VPS13B: variants seen among roughly 807,000 people sequenced by gnomAD.
VPS13B encodes the protein intermembrane lipid transfer protein VPS13B.
A neutral mutation model predicts 426.4 loss-of-function variants in VPS13B; 285 were observed. The observed-to-expected ratio is 0.67, with a 90% confidence interval of 0.61 to 0.74. The LOEUF is 0.74. Ranked by LOEUF, VPS13B falls within the 30% of genes least tolerant of loss-of-function variation. The pLI, the probability that VPS13B is intolerant of heterozygous loss-of-function variation, is 0.00. For synonymous variants in VPS13B, 1,676 were observed against 1,676.4 expected (o/e 1.00, Z 0.01); for missense variants, 4,537 against 4,782.6 (o/e 0.95, Z 1.51).
chr8:99,331,283 A>G (rs1810528125), intron 19 of VPS13B, among the ~76,000 whole-genome samples: 1 of 151,786 alleles, frequency 6.6e-6, no homozygotes, highest in South Asian at 2.1e-4. Flanking sequence ...CAACCTGTTC[A>G]TTTTAAGTAG....
intron 3 of VPS13B, among the ~76,000 whole-genome samples, chr8:99,074,425 G>A (rs533193627): frequency 1.9e-4 from 28 of 151,140 alleles, no homozygotes; most frequent in Non-Finnish European, 3.1e-4. Context: ...GGAGAATGGC[G>A]TGAAACCGGG....
At chr8:99,455,862 A>G (rs1376934279) in intron 23 of VPS13B, among the ~76,000 whole-genome samples, 3 of 152,132 alleles carry the variant, frequency 2.0e-5, no homozygotes, top group African/African-American at 7.2e-5. Context: ...TTATCAATTC[A>G]CCAGTTGATA....
At chr8:99,419,775 G>A (rs556532059) in intron 21 of VPS13B, among the ~76,000 whole-genome samples, 2 of 152,154 alleles carry the variant, frequency 1.3e-5, no homozygotes, top group Non-Finnish European at 2.9e-5. Flanking sequence ...GATAGAAAAG[G>A]TTTTAAGAAG....
chr8:99,421,578 A>G (rs537787670), intron 21 of VPS13B, among the ~76,000 whole-genome samples: 2 of 152,284 alleles, frequency 1.3e-5, no homozygotes, highest in Admixed American at 1.3e-4. Flanking sequence ...GTGACTTGGG[A>G]TAAGTTACTT....
chr8:99,740,119 A>T (rs894092366), intron 39 of VPS13B, among the ~76,000 whole-genome samples: 2 of 152,228 alleles, frequency 1.3e-5, no homozygotes, highest in Non-Finnish European at 2.9e-5. Flanking sequence ...AATGCAGAGA[A>T]GTCCTTAAAG....
intron 39 of VPS13B, among the ~76,000 whole-genome samples, chr8:99,752,555 C>G (rs994678740): frequency 6.6e-6 from 1 of 152,148 alleles, no homozygotes; most frequent in Non-Finnish European, 1.5e-5. Context: ...TGTTCTATAG[C>G]CCTTTACAGG....
At chr8:99,422,762 G>A (rs1349653803) in intron 21 of VPS13B, among the ~76,000 whole-genome samples, 4 of 152,242 alleles carry the variant, frequency 2.6e-5, no homozygotes, top group Admixed American at 1.3e-4. Flanking sequence ...ATAGTAAAGA[G>A]TTAAATACTT....
intron 3 of VPS13B, among the ~76,000 whole-genome samples, chr8:99,051,028 A>G (rs187690863): frequency 0.032 from 4,888 of 152,014 alleles, 104 homozygotes; most frequent in Middle Eastern, 0.068. Flanking sequence ...GAAGCTCTTT[A>G]GTTTAATTAG....
chr8:99,780,209 G>GA (rs1041880322), intron 42 of VPS13B, among the ~76,000 whole-genome samples: 13 of 151,540 alleles, frequency 8.6e-5, no homozygotes, highest in South Asian at 8.3e-4. Context: ...ATAGCCATGT[G>GA]AAAAAAAAGA....
intron 17 of VPS13B, 127 bp downstream of exon 17, chr8:99,193,184 T>C: frequency 1.1e-6 from 1 of 951,566 alleles, no homozygotes; most frequent in Non-Finnish European, 1.6e-6. Context: ...TGAATGTAGA[T>C]ATTTATAGCT....
Position 99,032,775 on chromosome 8 carries a change from C to T in VPS13B, c.148-5648C>T, listed in dbSNP as rs536365190. Among the ~76,000 whole-genome samples, 281 of 151,656 alleles carry T rather than the reference C, an allele frequency of 1.9e-3. 4 individuals are homozygous for T. The highest frequency in any genetic ancestry group is 4.9e-3 in the Admixed American group (75 of 15,218). On this transcript the variant is annotated intron_variant, in intron 2 of 61. Coordinates refer to ENST00000357162, the MANE Select transcript of VPS13B (RefSeq NM_152564.5). The stretch of plus-strand genomic sequence containing the variant: ...CAGGATGGTCTCGATCTCCTGACCT[C>T]GTGATCCACCTGCCTCAGCCTCCCA...
chr8:99,268,347 A>G (rs1818412439), intron 17 of VPS13B, among the ~76,000 whole-genome samples: 1 of 152,182 alleles, frequency 6.6e-6, no homozygotes, highest in African/African-American at 2.4e-5. Flanking sequence ...GATATCTTGC[A>G]CCATGTGGCC....
At chr8:99,433,716 A>G (rs1817230920) in intron 22 of VPS13B, among the ~76,000 whole-genome samples, 1 of 152,170 alleles carries the variant, frequency 6.6e-6, no homozygotes, top group Non-Finnish European at 1.5e-5. Flanking sequence ...CTGAATATTG[A>G]AAAAAATAGT....
chr8:99,131,096 A>G (rs1313296090), intron 8 of VPS13B, among the ~76,000 whole-genome samples: 1 of 152,222 alleles, frequency 6.6e-6, no homozygotes, highest in Non-Finnish European at 1.5e-5. Flanking sequence ...TGGCAAACAC[A>G]TGCTGAATAC....
In VPS13B at chr8:99,743,270, A is replaced by G. The variant is rs1482762725; in HGVS notation, c.7050+22223A>G. Among the ~76,000 whole-genome samples, 5 of 152,130 alleles carry G rather than the reference A, an allele frequency of 3.3e-5. No individual in the cohort carries two copies. The East Asian group carries it at 5.8e-4, about 18-fold the overall frequency. ...CCTAGGAATCCAACTTACAAGGGAC[A>G]TGAAGGACCTCTTCAAGGAGAACTA... is the stretch of plus-strand genomic sequence containing the variant. On this transcript the variant is annotated intron_variant, in intron 39 of 61. Transcript: ENST00000357162.
At chr8:99,104,438 T>C (rs1040258074) in intron 5 of VPS13B, among the ~76,000 whole-genome samples, 1 of 152,184 alleles carries the variant, frequency 6.6e-6, no homozygotes, top group African/African-American at 2.4e-5. Flanking sequence ...AAAGGCATCA[T>C]GTTTCATTTA....
intron 3 of VPS13B, among the ~76,000 whole-genome samples, chr8:99,048,733 T>A (rs772182264): frequency 2.6e-5 from 4 of 151,678 alleles, no homozygotes; most frequent in African/African-American, 4.8e-5. Flanking sequence ...GAGAATCAGT[T>A]GAACCTGGGA....
At chr8:99,281,146 C>T (rs781742287) in intron 19 of VPS13B, among the ~76,000 whole-genome samples, 4 of 152,288 alleles carry the variant, frequency 2.6e-5, no homozygotes, top group Middle Eastern at 3.4e-3. Context: ...CTAGATCCCT[C>T]GCGTGCACAT....
At chr8:99,393,042 C>A (rs1354111184) in intron 21 of VPS13B, among the ~76,000 whole-genome samples, 1 of 151,608 alleles carries the variant, frequency 6.6e-6, no homozygotes, top group African/African-American at 2.4e-5. Context: ...TTATAAACAT[C>A]ACCTTTTAGT....
Sources: allele counts gnomAD v4.1 joint callset (sites outside exome capture counted in the v4.1 genomes callset), GRCh38; gene constraint gnomAD v4.1.1; transcripts MANE v1.5; gene names NCBI Gene and HGNC (gene_info 2026-07-23, HGNC 2026-07-21).